CELA2B: variants seen among roughly 807,000 people sequenced by gnomAD.
The protein encoded by CELA2B is chymotrypsin-like elastase family member 2B.
A neutral mutation model predicts 36.5 loss-of-function variants in CELA2B; 27 were observed. That is an observed-to-expected ratio of 0.74 (90% CI 0.55 to 1.02). The LOEUF is 1.02. CELA2B is among the 50% of genes least tolerant of loss of function. The pLI, the probability that CELA2B is intolerant of heterozygous loss-of-function variation, is 0.00. For synonymous variants in CELA2B, 143 were observed against 148.5 expected (o/e 0.96, Z 0.27); for missense variants, 340 against 347.8 (o/e 0.98, Z 0.18).
rs772582382 is a variant in CELA2B at position 15,483,400 on chromosome 1, A to G, written c.493A>G (p.Thr165Ala). ...CGTCACGGGCTGGGGAAGGCTGCAGAGTAAGTGGGAGCCAGGAGCCCCCAG... is the reference window on the plus strand; with the variant it reads ...CGTCACGGGCTGGGGAAGGCTGCAGGGTAAGTGGGAGCCAGGAGCCCCCAG... ...CYVTGWGRLQ[T>A]NGALPDDLKQ... The change falls in exon 5 of 8, where the codon ACC becomes GCC. Residue 165 changes from threonine to alanine, a missense_variant and splice_region_variant. Coordinates refer to ENST00000375910, the MANE Select transcript of CELA2B (RefSeq NM_015849.3). 28 of 1,613,528 alleles carry G rather than the reference A, an allele frequency of 1.7e-5. No individual in the cohort carries two copies. Among genetic ancestry groups the G allele is most frequent in the Middle Eastern group, 1.6e-4 (1 of 6,084 alleles).
chr1:15,476,293 C>G, intron 1 of CELA2B, 128 bp downstream of exon 1: 3 of 1,445,766 alleles, frequency 2.1e-6, no homozygotes, highest in South Asian at 2.5e-5. Flanking sequence ...ATAAGAAAAC[C>G]GAAATGGAGT....
At chr1:15,484,585 A>C (rs897398349) in intron 5 of CELA2B, among the ~76,000 whole-genome samples, 1 of 152,168 alleles carries the variant, frequency 6.6e-6, no homozygotes, top group Admixed American at 6.5e-5. Context: ...GTGGTGGTGG[A>C]AGAGGCATTT....
chr1:15,489,191 G>A (rs553103104), intron 7 of CELA2B, among the ~76,000 whole-genome samples: 47 of 152,354 alleles, frequency 3.1e-4, no homozygotes, highest in African/African-American at 1.1e-3. Context: ...CTGGGGACCT[G>A]AAGCAGGGGC....
chr1:15,489,786 A>G (rs968613012), intron 7 of CELA2B, among the ~76,000 whole-genome samples: 3 of 152,252 alleles, frequency 2.0e-5, no homozygotes, highest in African/African-American at 4.8e-5. Context: ...TAAAAATATT[A>G]AAAGAATACA....
chr1:15,490,539 C>A (rs182953763), intron 7 of CELA2B, among the ~76,000 whole-genome samples: 4 of 152,122 alleles, frequency 2.6e-5, no homozygotes, highest in East Asian at 1.9e-4. Flanking sequence ...GATATCCTGC[C>A]GTTTACAGCA....
chr1:15,484,900 G>A (rs1190413448), intron 5 of CELA2B, among the ~76,000 whole-genome samples: 1 of 151,352 alleles, frequency 6.6e-6, no homozygotes, highest in African/African-American at 2.4e-5. Context: ...CAAAAAGCTT[G>A]ATTTTTTTTT....
At chr1:15,484,443 A>G (rs968621025) in intron 5 of CELA2B, among the ~76,000 whole-genome samples, 1 of 152,176 alleles carries the variant, frequency 6.6e-6, no homozygotes, top group African/African-American at 2.4e-5. Flanking sequence ...TTTTTTCCTA[A>G]TGACATAAAC....
chr1:15,476,693 A>G, intron 2 of CELA2B, 148 bp downstream of exon 2: 1 of 779,294 alleles, frequency 1.3e-6, no homozygotes, highest in African/African-American at 1.7e-5. Context: ...CCAACAAGAT[A>G]CATTTCCAGC....
At chr1:15,481,249 G>A in intron 3 of CELA2B, 54 bp downstream of exon 3, 1 of 1,607,354 alleles carries the variant, frequency 6.2e-7, no homozygotes, top group Middle Eastern at 1.7e-4. Flanking sequence ...GCTCATTTCT[G>A]AGCTGGGGGC....
At chr1:15,476,762 T>C (rs965948632) in intron 2 of CELA2B, among the ~76,000 whole-genome samples, 1 of 152,062 alleles carries the variant, frequency 6.6e-6, no homozygotes, top group Non-Finnish European at 1.5e-5. Context: ...GTGGGCAGAT[T>C]ACCTGAAGTC....
In CELA2B at chr1:15,482,295, C is replaced by A. The variant is rs1425750962; in HGVS notation, c.258C>A (p.Gly86=). The A allele has an allele frequency of 3.1e-6, 5 of 1,613,922 alleles. No homozygotes were observed. In the African/African-American group the frequency reaches 5.3e-5, roughly 17 times the overall value. The change falls in exon 4 of 8, where the codon GGC becomes GGA. Residue 86 remains glycine (G), a synonymous_variant. Transcript: ENST00000375910. ...CCGGGATCTACCGCGTGATGCTGGG[C>A]CAGCATAACCTCTACGTTGCAGAGT... The part of the protein sequence containing the change: ...SSSGIYRVML[G]QHNLYVAESG...
chr1:15,476,325 G>T (rs900574612), intron 1 of CELA2B, 132 bp from the exon 2 acceptor site: 4 of 1,403,902 alleles, frequency 2.8e-6, no homozygotes, highest in Non-Finnish European at 4.0e-6. Context: ...GGAGCAAACA[G>T]AAGGATTTTA....
At chr1:15,487,810 A>C (rs1708824194) in intron 7 of CELA2B, among the ~76,000 whole-genome samples, 1 of 152,246 alleles carries the variant, frequency 6.6e-6, no homozygotes, top group South Asian at 2.1e-4. Context: ...TGATACTTTG[A>C]GACCCCCATA....
At chr1:15,481,293 C>A in intron 3 of CELA2B, 98 bp downstream of exon 3, 1 of 1,418,716 alleles carries the variant, frequency 7.0e-7, no homozygotes, top group Non-Finnish European at 1.0e-6. Flanking sequence ...ATGAAGTAAC[C>A]TTGCAAATAA....
At chr1:15,483,228 A>G (rs1286815610) in intron 4 of CELA2B, 36 bp from the exon 5 acceptor site, 1 of 1,612,298 alleles carries the variant, frequency 6.2e-7, no homozygotes, top group Admixed American at 1.7e-5. Context: ...GGAAAAGTCA[A>G]CCCTGTTCTC....
intron 7 of CELA2B, chr1:15,491,049 G>A: frequency 1.9e-6 from 1 of 532,698 alleles, no homozygotes; most frequent in Non-Finnish European, 3.4e-6. Flanking sequence ...CCCCTGACCT[G>A]AAGCCCACAC....
At chr1:15,478,994 G>A (rs1037148889) in intron 2 of CELA2B, among the ~76,000 whole-genome samples, 7 of 149,786 alleles carry the variant, frequency 4.7e-5, no homozygotes, top group Admixed American at 6.6e-5. Context: ...GGGTTAGCCC[G>A]GGGGGGAATG....
At chr1:15,487,646 A>C (rs1346429175) in intron 7 of CELA2B, among the ~76,000 whole-genome samples, 3 of 152,254 alleles carry the variant, frequency 2.0e-5, no homozygotes, top group Non-Finnish European at 4.4e-5. Flanking sequence ...GAAAAGGAAC[A>C]TGAGAGTATG....
intron 4 of CELA2B, 88 bp downstream of exon 4, chr1:15,482,481 A>T: frequency 1.3e-6 from 2 of 1,553,236 alleles, no homozygotes; most frequent in Non-Finnish European, 1.8e-6. Flanking sequence ...ACCCCACCAC[A>T]CCCCCTCTGC....
Sources: allele counts gnomAD v4.1 joint callset (sites outside exome capture counted in the v4.1 genomes callset), GRCh38; gene constraint gnomAD v4.1.1; transcripts MANE v1.5; gene names NCBI Gene and HGNC (gene_info 2026-07-23, HGNC 2026-07-21).